Variants in DISC1 observed in about 807,000 individuals in gnomAD.
DISC1 encodes the protein DISC1 scaffold protein.
In DISC1, 57 loss-of-function variants were observed where a neutral mutation model predicts 84.5. That is an observed-to-expected ratio of 0.67 (90% confidence interval 0.55 to 0.84). DISC1 has a LOEUF of 0.84. Among genes scored for constraint, DISC1 ranks in the 40% least tolerant of loss-of-function variants. The pLI is 0.00. For missense variants in DISC1, 1,000 were observed against 1,057.8 expected (o/e 0.95, Z 0.76); for synonymous variants, 411 against 415.2 (o/e 0.99, Z 0.12).
intron 9 of DISC1, among the ~76,000 whole-genome samples, chr1:231,847,880 C>T (rs2083575241): frequency 6.6e-6 from 1 of 152,208 alleles, no homozygotes; most frequent in South Asian, 2.1e-4. Flanking sequence ...ATGTCCCCAG[C>T]ACTGAAGCAA....
chr1:231,777,267 G>T (rs1211110116), intron 6 of DISC1, among the ~76,000 whole-genome samples: 1 of 152,034 alleles, frequency 6.6e-6, no homozygotes, highest in Non-Finnish European at 1.5e-5. Flanking sequence ...TGTCCCACAG[G>T]CTGGAGTACA....
At position 231,867,902 on chromosome 1, in the gene DISC1, C is replaced by A. The variant is rs143628432; in HGVS notation, c.1981+49385C>A. On this transcript the variant is annotated intron_variant, in intron 9 of 12. Transcript: ENST00000439617. ...GTTAAGACTATCTGTAGAAGGTGAGCAGAGCACTTCAAACCTGGCTATTCG... is the reference window on the plus strand; with the variant it reads ...GTTAAGACTATCTGTAGAAGGTGAGAAGAGCACTTCAAACCTGGCTATTCG... Among the ~76,000 whole-genome samples, 1,228 of 152,318 alleles carry A rather than the reference C, an allele frequency of 8.1e-3. 6 individuals are homozygous for A. Among genetic ancestry groups the A allele is most frequent in the Admixed American group, 0.01 (160 of 15,306 alleles).
chr1:231,935,044 G>T (rs1206741204), intron 9 of DISC1, among the ~76,000 whole-genome samples: 1 of 152,242 alleles, frequency 6.6e-6, no homozygotes, highest in African/African-American at 2.4e-5. Flanking sequence ...GGGAGCTCTT[G>T]CCAAATGGGA....
chr1:231,836,448 A>G (rs1233662556), intron 9 of DISC1, among the ~76,000 whole-genome samples: 1 of 152,204 alleles, frequency 6.6e-6, no homozygotes, highest in Non-Finnish European at 1.5e-5. Context: ...TGGGTTTGCA[A>G]TAGTTCCCTG....
rs561951330 is a variant in DISC1 at position 231,704,047 on chromosome 1, A to G, written c.1117+2023A>G. The stretch of plus-strand genomic sequence containing the variant: ...AGACAAGCATCCTGGTAGGCACAGG[A>G]CACACGATTTACATGCCACTCCCCT... On this transcript the variant is annotated intron_variant, in intron 3 of 12. Transcript: ENST00000439617. Among the ~76,000 whole-genome samples the G allele has an allele frequency of 2.8e-4, 42 of 152,280 alleles. 1 individual carries two copies. The highest frequency in any genetic ancestry group is 9.1e-4 in the African/African-American group (38 of 41,562).
chr1:232,008,777 T>A lies in DISC1; in HGVS notation c.2043-8T>A. The A allele has an allele frequency of 6.5e-7, 1 of 1,542,210 alleles. No individual in the cohort carries two copies. The highest frequency in any genetic ancestry group is 1.4e-5 in the African/African-American group (1 of 72,634). On this transcript the variant is annotated splice_polypyrimidine_tract_variant and splice_region_variant and intron_variant, in intron 10 of 12. Coordinates refer to ENST00000439617, the MANE Select transcript of DISC1 (RefSeq NM_018662.3). ...CATTTTTATGCCTTTGTTTCCTCTC[T>A]GTCTCAGCTGCAAGTGTCCACTGCT...
At chr1:231,633,660 AT>A (rs1374067940) in intron 1 of DISC1, among the ~76,000 whole-genome samples, 5 of 152,172 alleles carry the variant, frequency 3.3e-5, no homozygotes, top group African/African-American at 1.2e-4. Context: ...TAGGATTGAT[AT>A]TGATCATTAA....
intron 9 of DISC1, among the ~76,000 whole-genome samples, chr1:231,884,720 T>C (rs1307509275): frequency 6.6e-6 from 1 of 151,094 alleles, no homozygotes; most frequent in Admixed American, 6.6e-5. Flanking sequence ...TGAAATAACC[T>C]CTACACCAAA....
chr1:231,752,310 G>A (rs1259471399), intron 4 of DISC1, among the ~76,000 whole-genome samples: 2 of 152,148 alleles, frequency 1.3e-5, no homozygotes, highest in Non-Finnish European at 2.9e-5. Flanking sequence ...AGCTTCTGGG[G>A]AGGCCTCAGT....
At position 232,036,883 on chromosome 1, in the gene DISC1, G is replaced by T; in HGVS notation, c.*52G>T. Reference sequence around the variant, plus strand: ...GGGCCACCATGTTTGGACCCGGGGGGCTGCTCTTCCCTCCCCCGCCATAGC... The same window carrying T: ...GGGCCACCATGTTTGGACCCGGGGGTCTGCTCTTCCCTCCCCCGCCATAGC... On this transcript the variant is annotated 3_prime_UTR_variant, in exon 13 of 13. Coordinates refer to ENST00000439617, the MANE Select transcript of DISC1 (RefSeq NM_018662.3). 6.9e-7 allele frequency: 1 copy of T among 1,439,020 alleles called. No individual in the cohort carries two copies. The highest frequency in any genetic ancestry group is 9.3e-7 in the Non-Finnish European group (1 of 1,078,818). 89.1% of individuals were successfully genotyped at this position (1,439,020 alleles called of 1,614,324 possible). A position where few individuals can be genotyped will look rare whatever the true frequency, so the allele number is the denominator to read the frequency against.
chr1:231,926,455 A>G (rs949179214), intron 9 of DISC1, among the ~76,000 whole-genome samples: 10 of 152,226 alleles, frequency 6.6e-5, no homozygotes, highest in Non-Finnish European at 1.3e-4. Context: ...TCTTCCCAGA[A>G]GCCTGTCTTC....
At chr1:232,008,707 A>C in intron 10 of DISC1, 78 bp from the exon 11 acceptor site, 1 of 1,482,204 alleles carries the variant, frequency 6.7e-7, no homozygotes, top group Admixed American at 2.3e-5. Flanking sequence ...ACTTTTAGCC[A>C]GGTAGACAAG....
At chr1:231,952,544 C>A (rs1269627119) in intron 9 of DISC1, among the ~76,000 whole-genome samples, 1 of 151,978 alleles carries the variant, frequency 6.6e-6, no homozygotes, top group East Asian at 1.9e-4. Context: ...ACATGCAAAT[C>A]AAAATCTTTT....
intron 3 of DISC1, 179 bp downstream of exon 3, chr1:231,702,203 C>A: frequency 7.4e-7 from 1 of 1,359,282 alleles, no homozygotes; most frequent in Non-Finnish European, 9.4e-7. Context: ...CAAAGTACTT[C>A]ATGAACATTA....
intron 9 of DISC1, among the ~76,000 whole-genome samples, chr1:231,918,075 C>T (rs910959101): frequency 2.0e-5 from 3 of 152,206 alleles, no homozygotes; most frequent in African/African-American, 7.2e-5. Flanking sequence ...ACAGTCATAT[C>T]CTCAGGGTCT....
chr1:231,690,913 A>C (rs2064921357), intron 1 of DISC1, among the ~76,000 whole-genome samples: 1 of 152,180 alleles, frequency 6.6e-6, no homozygotes, highest in Non-Finnish European at 1.5e-5. Context: ...AGCCCTCAGC[A>C]GGGTGCAGAA....
At chr1:231,995,047 A>G (rs1323709166) in intron 10 of DISC1, among the ~76,000 whole-genome samples, 1 of 152,198 alleles carries the variant, frequency 6.6e-6, no homozygotes, top group Non-Finnish European at 1.5e-5. Context: ...ATGGCATTGG[A>G]GAAGAAGACT....
At chr1:231,778,617 T>C (rs966524784) in intron 6 of DISC1, among the ~76,000 whole-genome samples, 2 of 152,070 alleles carry the variant, frequency 1.3e-5, no homozygotes, top group African/African-American at 4.8e-5. Context: ...CCCGTTTTCT[T>C]CTGGAAAGTC....
chr1:231,657,697 A>G (rs534219054), intron 1 of DISC1, among the ~76,000 whole-genome samples: 3 of 152,266 alleles, frequency 2.0e-5, no homozygotes, highest in South Asian at 4.1e-4. Flanking sequence ...TTTTCTGCAT[A>G]TGGCTAGCCA....
Sources: gnomAD v4.1 joint callset for allele counts (sites outside exome capture counted in the v4.1 genomes callset) on GRCh38, gnomAD v4.1.1 for gene constraint, MANE v1.5 for transcripts, NCBI Gene and HGNC (gene_info 2026-07-23, HGNC 2026-07-21) for gene names.